The following ULK4 variants were observed in gnomAD, a reference collection of about 807,000 sequenced individuals.
ULK4 encodes the protein inactive serine/threonine-protein kinase ULK4.
ULK4 carries 133 observed loss-of-function variants against 160.6 expected under a neutral mutation model. The ratio of observed to expected loss-of-function variants is 0.83; its 90% CI spans 0.72 to 0.96. The LOEUF (loss-of-function observed/expected upper bound fraction) is 0.96, where lower values mean the gene tolerates loss of function less well. ULK4 is among the 40% of genes least tolerant of loss of function. The pLI, the probability that ULK4 is intolerant of heterozygous loss-of-function variation, is 0.00. For missense variants in ULK4, 1,580 were observed against 1,499.5 expected, an observed-to-expected ratio of 1.05 and a Z score of -0.89; for synonymous variants, 534 against 539.8, an observed-to-expected ratio of 0.99 and a Z score of 0.15.
intron 32 of ULK4, among the ~76,000 whole-genome samples, chr3:41,491,416 T>C (rs1428523324): frequency 1.3e-5 from 2 of 151,980 alleles, no homozygotes; most frequent in African/African-American, 2.4e-5. Flanking sequence ...GTAACAATAC[T>C]ACAAAAATTA....
intron 1 of ULK4, among the ~76,000 whole-genome samples, chr3:41,961,740 G>A (rs1207268741): frequency 6.6e-6 from 1 of 152,178 alleles, no homozygotes; most frequent in African/African-American, 2.4e-5. Context: ...CATCTCCCAA[G>A]CCGAAACACA....
At chr3:41,908,037 A>T in intron 11 of ULK4, 96 bp from the exon 12 acceptor site, 2 of 783,462 alleles carry the variant, frequency 2.6e-6, no homozygotes, top group South Asian at 5.4e-5. Flanking sequence ...GAAAAATGGT[A>T]GAGTATGATG....
At chr3:41,627,319 A>C (rs898792434) in intron 30 of ULK4, among the ~76,000 whole-genome samples, 1 of 152,182 alleles carries the variant, frequency 6.6e-6, no homozygotes, top group Non-Finnish European at 1.5e-5. Flanking sequence ...ATGACAGGAC[A>C]GGTCCATGGA....
intron 11 of ULK4, among the ~76,000 whole-genome samples, chr3:41,908,740 G>A (rs1042713550): frequency 3.3e-5 from 5 of 151,978 alleles, no homozygotes; most frequent in Non-Finnish European, 5.9e-5. Context: ...CACTGTGCCC[G>A]GCCTGAGCTT....
intron 35 of ULK4, among the ~76,000 whole-genome samples, chr3:41,256,543 A>G (rs777501275): frequency 5.3e-5 from 8 of 152,232 alleles, no homozygotes; most frequent in Non-Finnish European, 7.3e-5. Flanking sequence ...ATGCATAAAC[A>G]TCAACCTAGA....
chr3:41,564,031 A>C (rs1340967343), intron 32 of ULK4, among the ~76,000 whole-genome samples: 2 of 152,084 alleles, frequency 1.3e-5, no homozygotes, highest in African/African-American at 4.8e-5. Context: ...TTGGTGACCT[A>C]TAGATAGGGT....
intron 34 of ULK4, among the ~76,000 whole-genome samples, chr3:41,450,951 G>T (rs1024346689): frequency 1.3e-5 from 2 of 152,142 alleles, no homozygotes; most frequent in Non-Finnish European, 2.9e-5. Context: ...ACCTAACTGT[G>T]ATCAAGTTAC....
intron 16 of ULK4, among the ~76,000 whole-genome samples, chr3:41,891,380 AG>A (rs1163286243): frequency 6.7e-6 from 1 of 150,094 alleles, no homozygotes; most frequent in Non-Finnish European, 1.5e-5. Flanking sequence ...GCAGGCAGGC[AG>A]GAAGGAGCAA....
intron 21 of ULK4, among the ~76,000 whole-genome samples, chr3:41,782,004 T>C (rs1303521528): frequency 4.6e-5 from 7 of 152,238 alleles, no homozygotes; most frequent in African/African-American, 1.4e-4. Flanking sequence ...GATGTGTTTA[T>C]GTTGGGCAAT....
At chr3:41,519,067 C>T in intron 32 of ULK4, among the ~76,000 whole-genome samples, 1 of 152,238 alleles carries the variant, frequency 6.6e-6, no homozygotes, top group Admixed American at 6.5e-5. Flanking sequence ...AATCGCTCCT[C>T]TGTTCAGTCT....
At position 41,788,686 on chromosome 3, in the gene ULK4, T is replaced by A. The variant is rs2040065315; in HGVS notation, c.2193+975A>T. Among the ~76,000 whole-genome samples the A allele has an allele frequency of 4.0e-5, 6 of 149,388 alleles. No homozygotes were observed. In the Admixed American group the frequency reaches 4.0e-4, roughly 10 times the overall value. On this transcript the variant is annotated intron_variant, in intron 21 of 36. Coordinates refer to ENST00000301831, the MANE Select transcript of ULK4 (RefSeq NM_017886.4). ...GCCTGGGCGACAGAGCGAGCCTCCATCTCAAAAAAAAAAGAAAAAAAGAAA... is the reference window on the plus strand; with the variant it reads ...GCCTGGGCGACAGAGCGAGCCTCCAACTCAAAAAAAAAAGAAAAAAAGAAA...
intron 34 of ULK4, among the ~76,000 whole-genome samples, chr3:41,415,610 C>T (rs1010843547): frequency 6.6e-6 from 1 of 152,148 alleles, no homozygotes; most frequent in African/African-American, 2.4e-5. Context: ...ACATAAATCA[C>T]GGCTCAGTTC....
intron 22 of ULK4, among the ~76,000 whole-genome samples, chr3:41,745,446 G>C (rs552912271): frequency 6.6e-6 from 1 of 151,502 alleles, no homozygotes; most frequent in Non-Finnish European, 1.5e-5. Flanking sequence ...ACCAAAACTT[G>C]ACCTAGTAAA....
chr3:41,712,907 CA>C (rs527495653), intron 25 of ULK4, among the ~76,000 whole-genome samples: 2 of 149,996 alleles, frequency 1.3e-5, no homozygotes, highest in Non-Finnish European at 3.0e-5. Context: ...AGAAAAAAAG[CA>C]AAAAAACAAG....
Position 41,546,258 on chromosome 3 carries a change from C to T in ULK4, c.3226+19767G>A, listed in dbSNP as rs560256148. 2.0e-5 allele frequency among the ~76,000 whole-genome samples: 3 copies of T among 152,134 alleles called. No homozygotes were observed. The East Asian group carries it at 5.8e-4, about 29-fold the overall frequency. On this transcript the variant is annotated intron_variant, in intron 32 of 36. Coordinates refer to ENST00000301831, the MANE Select transcript of ULK4 (RefSeq NM_017886.4). ...TTTTGTTCTGGGCGGCAGTTAAATT[C>T]TTGGTGGCTCTTTTGACCCCAAAAT...
intron 34 of ULK4, among the ~76,000 whole-genome samples, chr3:41,445,705 C>T (rs1337879164): frequency 6.6e-6 from 1 of 152,292 alleles, no homozygotes; most frequent in East Asian, 1.9e-4. Context: ...CTTCCTTACA[C>T]CTTACACAAA....
chr3:41,452,406 G>GAGT (rs540008229), intron 34 of ULK4, among the ~76,000 whole-genome samples: 21 of 152,152 alleles, frequency 1.4e-4, no homozygotes, highest in Middle Eastern at 3.2e-3. Flanking sequence ...GAGGAGATGG[G>GAGT]AGTATCTACT....
At chr3:41,323,587 TAGAA>T (rs1474868733) in intron 35 of ULK4, among the ~76,000 whole-genome samples, 1 of 152,046 alleles carries the variant, frequency 6.6e-6, no homozygotes, top group Non-Finnish European at 1.5e-5. Context: ...TACTACACCA[TAGAA>T]AGCAAATTCT....
intron 35 of ULK4, among the ~76,000 whole-genome samples, chr3:41,347,915 A>G (rs1362421807): frequency 6.6e-6 from 1 of 152,152 alleles, no homozygotes; most frequent in Non-Finnish European, 1.5e-5. Context: ...AAGCTTAAAA[A>G]GTACATGGAC....
Sources: gnomAD v4.1 joint callset for allele counts (sites outside exome capture counted in the v4.1 genomes callset) on GRCh38, gnomAD v4.1.1 for gene constraint, MANE v1.5 for transcripts, NCBI Gene and HGNC (gene_info 2026-07-23, HGNC 2026-07-21) for gene names.